The following ZFYVE28 variants were observed in gnomAD, a reference collection of about 807,000 sequenced individuals.
The protein encoded by ZFYVE28 is zinc finger FYVE-type containing 28.
ZFYVE28 carries 40 observed loss-of-function variants against 82.1 expected under a neutral mutation model. That is an observed-to-expected ratio of 0.49 (90% CI 0.38 to 0.63). ZFYVE28 has a LOEUF of 0.63. ZFYVE28 is among the 30% of genes least tolerant of loss of function. The pLI, the probability that ZFYVE28 is intolerant of heterozygous loss-of-function variation, is 0.00. For missense variants in ZFYVE28, 1,321 were observed against 1,242.1 expected (o/e 1.06, Z -0.96); for synonymous variants, 612 against 546.1 (o/e 1.12, Z -1.68).
At chr4:2,399,815 C>T (rs3128784) in intron 1 of ZFYVE28, among the ~76,000 whole-genome samples, 129,006 of 151,948 alleles carry the variant, frequency 0.85, 54,920 homozygotes, top group Admixed American at 0.9. Flanking sequence ...TGGACCCAAA[C>T]GCTGCCGGAC....
intron 1 of ZFYVE28, among the ~76,000 whole-genome samples, chr4:2,410,590 G>A (rs923464234): frequency 1.3e-5 from 2 of 151,780 alleles, no homozygotes; most frequent in Admixed American, 6.6e-5. Flanking sequence ...CCGCCTCCCA[G>A]GTTCACGCCA....
At chr4:2,399,782 G>A (rs993743697) in intron 1 of ZFYVE28, among the ~76,000 whole-genome samples, 4 of 152,228 alleles carry the variant, frequency 2.6e-5, no homozygotes, top group East Asian at 1.9e-4. Flanking sequence ...AGCAGAGCTC[G>A]GAGCAGGGCC....
intron 8 of ZFYVE28, 88 bp from the exon 9 acceptor site, chr4:2,274,304 G>C: frequency 6.7e-7 from 1 of 1,490,348 alleles, no homozygotes. Context: ...ACAAAAGTCT[G>C]TGTCCTCGCA....
chr4:2,355,963 G>A (rs1000768483), intron 1 of ZFYVE28, among the ~76,000 whole-genome samples: 4 of 152,224 alleles, frequency 2.6e-5, no homozygotes, highest in African/African-American at 4.8e-5. Context: ...CGCACAGTTC[G>A]AATGCGCTGG....
At chr4:2,347,725 G>A (rs1485577308) in intron 2 of ZFYVE28, among the ~76,000 whole-genome samples, 3 of 152,092 alleles carry the variant, frequency 2.0e-5, no homozygotes, top group Non-Finnish European at 4.4e-5. Flanking sequence ...TGAAATGAAA[G>A]TAAAAATACA....
At chr4:2,342,059 C>A (rs150980247) in intron 2 of ZFYVE28, among the ~76,000 whole-genome samples, 1 of 152,328 alleles carries the variant, frequency 6.6e-6, no homozygotes, top group Non-Finnish European at 1.5e-5. Context: ...GGCTGGGGAC[C>A]TGCAAAGCCC....
intron 8 of ZFYVE28, among the ~76,000 whole-genome samples, chr4:2,284,995 T>G (rs1712505204): frequency 6.6e-6 from 1 of 152,168 alleles, no homozygotes; most frequent in Admixed American, 6.5e-5. Flanking sequence ...AAATGTGACC[T>G]TATTTGGAAA....
intron 6 of ZFYVE28, among the ~76,000 whole-genome samples, chr4:2,322,663 AT>A (rs1449267351): frequency 1.1e-4 from 16 of 152,362 alleles, no homozygotes; most frequent in African/African-American, 2.9e-4. Context: ...CATTTTCTGC[AT>A]TCACGGTGCT....
In ZFYVE28 at chr4:2,372,854, C is replaced by A. The variant is rs1727716231; in HGVS notation, c.40-18781G>T. ...CTCCCCATGGCTGACTCACTGCAGC[C>A]TGGACCCAGTCCCTACCCAGGGGCC... On this transcript the variant is annotated intron_variant, in intron 1 of 12. Transcript: ENST00000290974. The surrounding 1 kb of genome is among the most constrained non-coding windows in gnomAD (Gnocchi z 5.2). Among the ~76,000 whole-genome samples the A allele has an allele frequency of 6.6e-6, 1 of 152,164 alleles. No homozygotes were observed. The highest frequency in any genetic ancestry group is 1.5e-5 in the Non-Finnish European group (1 of 68,002).
At chr4:2,405,993 G>A (rs1731849131) in intron 1 of ZFYVE28, among the ~76,000 whole-genome samples, 1 of 147,740 alleles carries the variant, frequency 6.8e-6, no homozygotes, top group African/African-American at 2.5e-5. Flanking sequence ...AGGTTGCAGT[G>A]AGCCAAGATT....
chr4:2,378,623 C>A (rs1274657900), intron 1 of ZFYVE28, among the ~76,000 whole-genome samples: 1 of 152,174 alleles, frequency 6.6e-6, no homozygotes, highest in Non-Finnish European at 1.5e-5. Flanking sequence ...AGGGAAGCTG[C>A]CCGACTCCCG....
At position 2,274,132 on chromosome 4, in the gene ZFYVE28, T is replaced by C. The variant is rs1736177934; in HGVS notation, c.2136A>G (p.Thr712=). ...GGAACCTGGACCGGATCTTCTCTCTTGTGGCCTGTGGGGCAGCATGCGTGG... is the reference window on the plus strand; with the variant it reads ...GGAACCTGGACCGGATCTTCTCTCTCGTGGCCTGTGGGGCAGCATGCGTGG... The part of the protein sequence containing the change: ...PAATHAAPQA[T]REKIRSRFHG... Residue 712 remains threonine (T), a synonymous_variant, in exon 9 of 13, where the codon ACA becomes ACG. Coordinates refer to ENST00000290974, the MANE Select transcript of ZFYVE28 (RefSeq NM_020972.3). 8 of 1,613,528 alleles carry C rather than the reference T, an allele frequency of 5.0e-6. No individual in the cohort carries two copies. The South Asian group carries it at 7.7e-5, about 16-fold the overall frequency.
chr4:2,312,748 A>C (rs1717662319), intron 7 of ZFYVE28, among the ~76,000 whole-genome samples: 1 of 149,146 alleles, frequency 6.7e-6, no homozygotes, highest in East Asian at 2.0e-4. Context: ...AAAAAAAAAA[A>C]AAAGAAGTGT....
rs1715298998 is a variant in ZFYVE28, at chr4:2,300,187, G to A, written c.2051+4102C>T. The stretch of plus-strand genomic sequence containing the variant: ...GGAGTCAGTGTTACTTTTTGCAGAA[G>A]GCAAAGGCTGGAAATCCACTTCATG... On this transcript the variant is annotated intron_variant, in intron 8 of 12. Transcript: ENST00000290974. The surrounding 1 kb of genome is among the most constrained non-coding windows in gnomAD (Gnocchi z 4.6). 6.6e-6 allele frequency among the ~76,000 whole-genome samples: 1 copy of A among 152,184 alleles called. No homozygotes were observed. The highest frequency in any genetic ancestry group is 2.1e-4 in the South Asian group (1 of 4,836).
chr4:2,387,055 C>CGGG (rs1478372348), intron 1 of ZFYVE28, among the ~76,000 whole-genome samples: 1 of 120,400 alleles, frequency 8.3e-6, no homozygotes, highest in African/African-American at 4.1e-5. Flanking sequence ...CTGCAGGAGA[C>CGGG]TCCGGGGCCG....
rs1340616098 is a variant in ZFYVE28 at position 2,353,987 on chromosome 4, C to T, written c.126G>A (p.Gly42=). ...GCGTGCACCGCTGGGGGTCCTTCCG[C>T]CCATCCAGGCTGTCCAGCTCCGCGG... ...QVAAELDSLD[G]RKDPQRCTLL... The change falls in exon 2 of 13, where the codon GGG becomes GGA. Residue 42 remains glycine (G), a synonymous_variant. Transcript: ENST00000290974. 1.3e-6 allele frequency: 2 copies of T among 1,583,712 alleles called. No individual in the cohort carries two copies. The highest frequency in any genetic ancestry group is 2.4e-5 in the East Asian group (1 of 42,452).
intron 8 of ZFYVE28, among the ~76,000 whole-genome samples, chr4:2,292,305 T>A (rs976695426): frequency 2.0e-5 from 3 of 152,164 alleles, no homozygotes; most frequent in Admixed American, 6.5e-5. Flanking sequence ...TACATCTTCG[T>A]CCAGGCAGCC....
chr4:2,271,300 G>T lies in ZFYVE28; in HGVS notation c.2532+11C>A. The T allele has an allele frequency of 1.9e-6, 3 of 1,611,792 alleles. No individual in the cohort carries two copies. Among genetic ancestry groups the T allele is most frequent in the Non-Finnish European group, 2.5e-6 (3 of 1,179,408 alleles). On this transcript the variant is annotated intron_variant, in intron 12 of 12. Coordinates refer to ENST00000290974, the MANE Select transcript of ZFYVE28 (RefSeq NM_020972.3). Reference sequence around the variant, plus strand: ...TGCTGAGGGACCCTCCGTGCAAGGGGTCTCACCCACCTTCCCACAGCTGCG... The same window carrying T: ...TGCTGAGGGACCCTCCGTGCAAGGGTTCTCACCCACCTTCCCACAGCTGCG...
intron 8 of ZFYVE28, among the ~76,000 whole-genome samples, chr4:2,298,943 T>C (rs1331165732): frequency 1.3e-5 from 2 of 151,108 alleles, no homozygotes; most frequent in Admixed American, 6.6e-5. Flanking sequence ...GAGAAGAACA[T>C]TCCCCGGCCC....
Sources: gnomAD v4.1 joint callset for allele counts (sites outside exome capture counted in the v4.1 genomes callset) on GRCh38, gnomAD v4.1.1 for gene constraint, Gnocchi (gnomAD v3.1) non-coding constraint, MANE v1.5 for transcripts, NCBI Gene and HGNC (gene_info 2026-07-23, HGNC 2026-07-21) for gene names.